The following EPB41 variants were observed in gnomAD, a reference collection of about 807,000 sequenced individuals.
EPB41 encodes protein 4.1.
In EPB41, 65 loss-of-function variants were observed where a neutral mutation model predicts 108.0. The observed-to-expected ratio is 0.60, with a 90% CI of 0.49 to 0.74. EPB41 has a LOEUF of 0.74. EPB41 is among the 30% of genes least tolerant of loss of function. EPB41 has a pLI of 0.00. For synonymous variants in EPB41, 336 were observed against 358.9 expected (o/e 0.94, Z 0.72); for missense variants, 875 against 1,037.0 (o/e 0.84, Z 2.15).
At chr1:29,102,146 A>AAGGG (rs1324316047) in intron 17 of EPB41, among the ~76,000 whole-genome samples, 6 of 152,218 alleles carry the variant, frequency 3.9e-5, no homozygotes, top group Non-Finnish European at 8.8e-5. Context: ...ATTACTTCAT[A>AAGGG]TGGCAGAATC....
In EPB41 at chr1:29,100,627, T is replaced by TTA. The variant is rs1000718564; in HGVS notation, c.2313+2703_2313+2704dup. On this transcript the variant is annotated intron_variant, in intron 17 of 20. Transcript: ENST00000343067. ...CAACAAAGTAAGACCCCCATCTCTT[T>TTA]TATATATATATAAATAAAATATTAT... Among the ~76,000 whole-genome samples the TTA allele has an allele frequency of 1.2e-4, 18 of 145,782 alleles. No individual in the cohort carries two copies. The East Asian group carries it at 1.6e-3, about 13-fold the overall frequency.
intron 15 of EPB41, among the ~76,000 whole-genome samples, chr1:29,061,765 A>G (rs1646620774): frequency 6.6e-6 from 1 of 151,440 alleles, no homozygotes; most frequent in Non-Finnish European, 1.5e-5. Flanking sequence ...TTTTTGGTAG[A>G]GACAGGATCT....
chr1:29,025,959 T>A (rs1344136224), intron 7 of EPB41, among the ~76,000 whole-genome samples: 3 of 151,924 alleles, frequency 2.0e-5, no homozygotes, highest in African/African-American at 7.3e-5. Flanking sequence ...AGGGCATCCA[T>A]GTGGGGGAAA....
At chr1:28,983,900 A>G (rs899774885) in intron 1 of EPB41, among the ~76,000 whole-genome samples, 8 of 151,998 alleles carry the variant, frequency 5.3e-5, no homozygotes, top group Admixed American at 4.6e-4. Flanking sequence ...ATCTGCACAC[A>G]TGGCTCCCGT....
intron 10 of EPB41, among the ~76,000 whole-genome samples, chr1:29,036,932 G>A (rs1370912770): frequency 3.3e-5 from 5 of 151,698 alleles, no homozygotes; most frequent in African/African-American, 9.7e-5. Flanking sequence ...TGCCCACCTC[G>A]GCCTCCCAAA....
At chr1:29,066,367 C>T (rs867102352) in intron 16 of EPB41, among the ~76,000 whole-genome samples, 26 of 151,280 alleles carry the variant, frequency 1.7e-4, no homozygotes, top group East Asian at 5.9e-4. Context: ...TGCAGTGAGC[C>T]GAGATCACAC....
At chr1:29,112,525 C>A in intron 19 of EPB41, 77 bp downstream of exon 19, 1 of 1,205,466 alleles carries the variant, frequency 8.3e-7, no homozygotes, top group Non-Finnish European at 1.2e-6. Context: ...GTTTGTTTGC[C>A]ATCTTCATCT....
intron 16 of EPB41, chr1:29,071,560 G>A (rs1227310495): frequency 6.6e-6 from 1 of 152,160 alleles, no homozygotes; most frequent in East Asian, 1.9e-4. Context: ...CTTCAGACCT[G>A]TTTGTTCGTG....
At chr1:29,060,709 T>C (rs771469380) in intron 15 of EPB41, among the ~76,000 whole-genome samples, 29 of 152,356 alleles carry the variant, frequency 1.9e-4, no homozygotes, top group Non-Finnish European at 1.0e-4. Context: ...TGGAAAAATA[T>C]ATGATTGGGA....
chr1:29,094,515 A>G (rs989116488), intron 16 of EPB41, among the ~76,000 whole-genome samples: 5 of 151,926 alleles, frequency 3.3e-5, no homozygotes, highest in African/African-American at 9.7e-5. Flanking sequence ...ACCTCAGGTG[A>G]TCTGTGCCTG....
At chr1:28,923,109 TTC>T (rs1491069710) in intron 1 of EPB41, among the ~76,000 whole-genome samples, 13,845 of 101,190 alleles carry the variant, frequency 0.14, 1,317 homozygotes, top group East Asian at 0.47. Flanking sequence ...TTCTTTTCTT[TTC>T]TTTTTTTTTT....
At chr1:28,967,011 AC>A (rs1217266698) in intron 1 of EPB41, among the ~76,000 whole-genome samples, 1 of 121,146 alleles carries the variant, frequency 8.3e-6, no homozygotes, top group Non-Finnish European at 1.7e-5. Flanking sequence ...TCATATGAGA[AC>A]CTTTTTTTTT....
intron 1 of EPB41, among the ~76,000 whole-genome samples, chr1:28,895,675 A>G (rs1222575661): frequency 6.6e-6 from 1 of 152,078 alleles, no homozygotes; most frequent in Non-Finnish European, 1.5e-5. Context: ...TTTTTAGTAG[A>G]TGGGGTTTCA....
At chr1:29,112,304 T>G in intron 18 of EPB41, 64 bp from the exon 19 acceptor site, 6 of 1,406,950 alleles carry the variant, frequency 4.3e-6, no homozygotes, top group Non-Finnish European at 6.0e-6. Context: ...CCTGGCCTCT[T>G]TTTCTTTTTT....
At position 28,961,557 on chromosome 1, in the gene EPB41, A is replaced by G. The variant is rs556941293; in HGVS notation, c.-7-25874A>G. ...GAATAGGTGATGTTACTCATCTGAAATTGTATCTATTTTGATAACATGGGG... is the reference window on the plus strand; with the variant it reads ...GAATAGGTGATGTTACTCATCTGAAGTTGTATCTATTTTGATAACATGGGG... On this transcript the variant is annotated intron_variant, in intron 1 of 20. Transcript: ENST00000343067. Among the ~76,000 whole-genome samples, 6 of 152,312 alleles carry G rather than the reference A, an allele frequency of 3.9e-5. No individual in the cohort carries two copies. The South Asian group carries it at 8.3e-4, about 21-fold the overall frequency.
At chr1:29,068,384 C>A (rs896338062) in intron 16 of EPB41, among the ~76,000 whole-genome samples, 1 of 152,200 alleles carries the variant, frequency 6.6e-6, no homozygotes, top group Non-Finnish European at 1.5e-5. Flanking sequence ...AAATATCTTA[C>A]ATCTTTTAAT....
chr1:28,937,390 TTTTA>T (rs777650988), intron 1 of EPB41, among the ~76,000 whole-genome samples: 17 of 152,246 alleles, frequency 1.1e-4, no homozygotes, highest in Middle Eastern at 6.8e-3. Context: ...GCACAAAAGT[TTTTA>T]TTTATTTATT....
intron 11 of EPB41, among the ~76,000 whole-genome samples, chr1:29,041,639 C>G (rs1384834371): frequency 1.3e-5 from 2 of 150,366 alleles, no homozygotes; most frequent in Non-Finnish European, 3.0e-5. Context: ...CAGAGTGGGA[C>G]GCCGTCTCAA....
In EPB41 at chr1:28,956,348, A is replaced by G. The variant is rs142842050; in HGVS notation, c.-7-31083A>G. 5.4e-3 allele frequency among the ~76,000 whole-genome samples: 827 copies of G among 152,338 alleles called. 10 individuals carry two copies. The highest frequency in any genetic ancestry group is 0.019 in the African/African-American group (789 of 41,580). ...GGCAACAAAGGCAAGAGAGAGAGAG[A>G]ACTGGGCTTTGCTGTTTTACACCTC... On this transcript the variant is annotated intron_variant, in intron 1 of 20. Coordinates refer to ENST00000343067, the MANE Select transcript of EPB41 (RefSeq NM_001376013.1).
Sources: allele counts gnomAD v4.1 joint callset (sites outside exome capture counted in the v4.1 genomes callset), GRCh38; gene constraint gnomAD v4.1.1; transcripts MANE v1.5; gene names NCBI Gene and HGNC (gene_info 2026-07-23, HGNC 2026-07-21).